Variants in STAG3 observed in about 807,000 individuals in gnomAD.
The protein encoded by STAG3 is cohesin subunit SA-3.
STAG3 carries 101 observed loss-of-function variants against 160.7 expected under a neutral mutation model. That is an observed-to-expected ratio of 0.63 (90% CI 0.54 to 0.74). The LOEUF (loss-of-function observed/expected upper bound fraction) is 0.74, where lower values mean the gene tolerates loss of function less well. Ranked by LOEUF, STAG3 falls within the 30% of genes least tolerant of loss-of-function variation. The pLI is 0.00. For synonymous variants in STAG3, 519 were observed against 585.0 expected (o/e 0.89, Z 1.63); for missense variants, 1,188 against 1,517.4 (o/e 0.78, Z 3.61).
intron 29 of STAG3, among the ~76,000 whole-genome samples, chr7:100,208,976 A>T (rs898647887): frequency 2.0e-5 from 3 of 152,206 alleles, no homozygotes; most frequent in African/African-American, 7.2e-5. Flanking sequence ...CAGCAATTTT[A>T]TCAATCAGGC....
intron 4 of STAG3, among the ~76,000 whole-genome samples, chr7:100,185,042 A>G (rs1051214827): frequency 1.1e-4 from 16 of 151,784 alleles, no homozygotes; most frequent in African/African-American, 3.9e-4. Context: ...GACACTCCAG[A>G]ATCACTTTTT....
chr7:100,209,699 C>T (rs1011671537), intron 29 of STAG3, among the ~76,000 whole-genome samples: 7 of 152,058 alleles, frequency 4.6e-5, no homozygotes, highest in African/African-American at 7.2e-5. Flanking sequence ...CTTCTTAGGC[C>T]GGGGGCAATG....
downstream of STAG3, among the ~76,000 whole-genome samples, chr7:100,217,602 T>C (rs1226394263): frequency 6.6e-6 from 1 of 151,954 alleles, no homozygotes; most frequent in Non-Finnish European, 1.5e-5. Flanking sequence ...GTAGTGGCCC[T>C]GAATGCCTGA....
At chr7:100,179,688 G>T (rs866581145) in intron 1 of STAG3, among the ~76,000 whole-genome samples, 1 of 152,304 alleles carries the variant, frequency 6.6e-6, no homozygotes. Context: ...AGTTTCTGGG[G>T]TGTTGTTGTG....
intron 11 of STAG3, 49 bp from the exon 12 acceptor site, chr7:100,198,038 G>A (rs1401304570): frequency 6.3e-7 from 1 of 1,598,088 alleles, no homozygotes; most frequent in Non-Finnish European, 8.6e-7. Flanking sequence ...AGAACAGAAT[G>A]TTTGGAATGG....
At chr7:100,179,258 G>GTTTTTTTTTT in intron 1 of STAG3, among the ~76,000 whole-genome samples, 1 of 135,334 alleles carries the variant, frequency 7.4e-6, no homozygotes, top group Non-Finnish European at 1.6e-5. Context: ...CCTTGCTTGG[G>GTTTTTTTTTT]TTTTGTTTTT....
intron 16 of STAG3, chr7:100,200,021 A>C (rs2117297647): frequency 2.1e-6 from 1 of 481,228 alleles, no homozygotes; most frequent in East Asian, 3.3e-5. Flanking sequence ...AGCCAAGATC[A>C]CGCCACTGCA....
In STAG3 at chr7:100,207,315, C is replaced by T. The variant is rs922764646; in HGVS notation, c.3238+1931C>T. Among the ~76,000 whole-genome samples the T allele has an allele frequency of 1.3e-5, 2 of 152,314 alleles. No homozygotes were observed. Among genetic ancestry groups the T allele is most frequent in the Non-Finnish European group, 2.9e-5 (2 of 68,022 alleles). ...ACCACACTGTTTTCCAAAGTACCTA[C>T]ACCAGTTTACAATCCTACCAGCAAT... On this transcript the variant is annotated intron_variant, in intron 29 of 33. Coordinates refer to ENST00000615138, the MANE Select transcript of STAG3 (RefSeq NM_001282717.2). The surrounding 1 kb of genome is among the most constrained non-coding windows in gnomAD (Gnocchi z 4.0).
At chr7:100,204,912 G>A in intron 27 of STAG3, 93 bp from the exon 28 acceptor site, 1 of 1,574,162 alleles carries the variant, frequency 6.4e-7, no homozygotes, top group Non-Finnish European at 8.6e-7. Flanking sequence ...GACAAGCTGG[G>A]GACGGGGGGA....
chr7:100,198,283 G>C, intron 12 of STAG3, 117 bp downstream of exon 12: 1 of 1,141,546 alleles, frequency 8.8e-7, no homozygotes, highest in Non-Finnish European at 1.3e-6. Flanking sequence ...GGTCATTCCT[G>C]AGTTGCAGTA....
chr7:100,184,949 T>C (rs1799897738), intron 4 of STAG3, among the ~76,000 whole-genome samples: 1 of 152,252 alleles, frequency 6.6e-6, no homozygotes, highest in African/African-American at 2.4e-5. Context: ...CCTGGAGTTC[T>C]TATGTGTTGG....
At chr7:100,193,575 T>A (rs1203639519) in intron 8 of STAG3, among the ~76,000 whole-genome samples, 2 of 152,254 alleles carry the variant, frequency 1.3e-5, no homozygotes, top group Non-Finnish European at 2.9e-5. Flanking sequence ...CGTGTACTTT[T>A]ATGTTATGGA....
At chr7:100,187,335 T>G (rs1800076173) in intron 5 of STAG3, among the ~76,000 whole-genome samples, 1 of 151,902 alleles carries the variant, frequency 6.6e-6, no homozygotes, top group Non-Finnish European at 1.5e-5. Flanking sequence ...TTTTTTGGTT[T>G]GTTTTTTTTT....
At chr7:100,184,852 T>A (rs1411302528) in intron 4 of STAG3, among the ~76,000 whole-genome samples, 1 of 152,184 alleles carries the variant, frequency 6.6e-6, no homozygotes, top group African/African-American at 2.4e-5. Flanking sequence ...TGATAAATTA[T>A]TATCTAAAGT....
intron 25 of STAG3, among the ~76,000 whole-genome samples, chr7:100,203,545 C>T (rs554488312): frequency 5.3e-5 from 8 of 151,392 alleles, no homozygotes; most frequent in East Asian, 1.9e-4. Context: ...GACGGAATCT[C>T]GCTCTGTCGC....
chr7:100,213,307 C>A, intron 32 of STAG3: 1 of 985,304 alleles, frequency 1.0e-6, no homozygotes, highest in Non-Finnish European at 1.2e-6. Flanking sequence ...GATATTCAGT[C>A]CATTACAGGC....
chr7:100,198,840 C>T lies in STAG3; in HGVS notation c.1353-3C>T, dbSNP rs1318542865. On this transcript the variant is annotated splice_region_variant and splice_polypyrimidine_tract_variant and intron_variant, in intron 13 of 33. Transcript: ENST00000615138. ...AGCCCTTTCCTCGTGTCCATTCCAC[C>T]AGACTCTTCTACCCTGAGTGCGAGA... 1 of 1,611,548 alleles carries T rather than the reference C, an allele frequency of 6.2e-7. No homozygotes were observed. Among genetic ancestry groups the T allele is most frequent in the African/African-American group, 1.3e-5 (1 of 74,944 alleles).
At chr7:100,211,595 G>A (rs1584786468) in intron 31 of STAG3, 56 bp downstream of exon 31, 4 of 1,581,622 alleles carry the variant, frequency 2.5e-6, no homozygotes, top group Non-Finnish European at 3.5e-6. Flanking sequence ...CCACTGTGAG[G>A]GGATTCCTGT....
intron 25 of STAG3, among the ~76,000 whole-genome samples, chr7:100,203,614 A>G (rs1004104192): frequency 1.3e-4 from 19 of 151,844 alleles, no homozygotes; most frequent in Non-Finnish European, 7.4e-5. Flanking sequence ...TCCTGGGTTC[A>G]CGCCATTCTC....
Sources: gnomAD v4.1 joint callset for allele counts (sites outside exome capture counted in the v4.1 genomes callset) on GRCh38, gnomAD v4.1.1 for gene constraint, Gnocchi (gnomAD v3.1) non-coding constraint, MANE v1.5 for transcripts, NCBI Gene and HGNC (gene_info 2026-07-23, HGNC 2026-07-21) for gene names.